MMP16: variants seen among roughly 807,000 people sequenced by gnomAD.
The protein encoded by MMP16 is matrix metalloproteinase-16.
Under a neutral mutation model 67.8 loss-of-function variants are expected in MMP16, and 12 were observed. The ratio of observed to expected loss-of-function variants is 0.18; its 90% confidence interval spans 0.11 to 0.29. MMP16 has a LOEUF of 0.29. MMP16 is among the 10% of genes least tolerant of loss of function. MMP16 has a pLI of 1.00. For synonymous variants in MMP16, 249 were observed against 255.9 expected (o/e 0.97, Z 0.26); for missense variants, 475 against 765.7 (o/e 0.62, Z 4.48).
intron 1 of MMP16, among the ~76,000 whole-genome samples, chr8:88,216,030 A>T (rs1423456051): frequency 6.6e-6 from 1 of 152,212 alleles, no homozygotes; most frequent in Non-Finnish European, 1.5e-5. Flanking sequence ...AGTCATTTTC[A>T]TAGAAGAAGA....
intron 3 of MMP16, among the ~76,000 whole-genome samples, chr8:88,178,567 T>C (rs1280431842): frequency 6.6e-6 from 1 of 152,166 alleles, no homozygotes; most frequent in Non-Finnish European, 1.5e-5. Flanking sequence ...TCACTGAAAA[T>C]TGTGTCTGTT....
At chr8:88,176,857 A>G (rs757107808) in intron 3 of MMP16, among the ~76,000 whole-genome samples, 3 of 152,122 alleles carry the variant, frequency 2.0e-5, no homozygotes, top group Admixed American at 6.5e-5. Flanking sequence ...TGTGGGTGGG[A>G]ACATTTTGAT....
At chr8:88,168,094 G>C in intron 3 of MMP16, 121 bp from the exon 4 acceptor site, 1 of 680,824 alleles carries the variant, frequency 1.5e-6, no homozygotes, top group Non-Finnish European at 2.4e-6. Context: ...GGAATAACAC[G>C]TATTCATTCC....
chr8:88,263,549 A>G (rs961487384), intron 1 of MMP16, among the ~76,000 whole-genome samples: 4 of 152,172 alleles, frequency 2.6e-5, no homozygotes, highest in African/African-American at 9.7e-5. Flanking sequence ...CATCAAGGTA[A>G]CAGCAGGGGT....
At chr8:88,145,884 T>A (rs951277532) in intron 4 of MMP16, among the ~76,000 whole-genome samples, 4 of 152,068 alleles carry the variant, frequency 2.6e-5, no homozygotes, top group South Asian at 2.1e-4. Context: ...CCAGTATCTA[T>A]GGATAGAGGC....
intron 3 of MMP16, among the ~76,000 whole-genome samples, chr8:88,182,131 C>A (rs918734344): frequency 1.3e-5 from 2 of 151,798 alleles, no homozygotes; most frequent in South Asian, 2.1e-4. Context: ...AAGCACAATA[C>A]GAGAAGGAAA....
chr8:88,086,621 G>T (rs1808838188), intron 6 of MMP16, among the ~76,000 whole-genome samples: 1 of 151,740 alleles, frequency 6.6e-6, no homozygotes, highest in Admixed American at 6.6e-5. Flanking sequence ...CACCTATCAA[G>T]AATTACCATC....
chr8:88,172,853 C>T (rs1808827472), intron 3 of MMP16, among the ~76,000 whole-genome samples: 1 of 151,884 alleles, frequency 6.6e-6, no homozygotes, highest in East Asian at 1.9e-4. Context: ...CCATGCCTTA[C>T]ACAATCTTAC....
chr8:88,069,055 T>C (rs1056498865), intron 7 of MMP16, among the ~76,000 whole-genome samples: 1 of 152,080 alleles, frequency 6.6e-6, no homozygotes, highest in African/African-American at 2.4e-5. Flanking sequence ...TCTTTGTATC[T>C]GTATATATGA....
At chr8:88,080,873 A>G (rs1440512030) in intron 6 of MMP16, among the ~76,000 whole-genome samples, 1 of 152,178 alleles carries the variant, frequency 6.6e-6, no homozygotes, top group African/African-American at 2.4e-5. Context: ...TGGCAGCTAT[A>G]TACATAATAA....
intron 1 of MMP16, among the ~76,000 whole-genome samples, chr8:88,291,601 T>C (rs550422962): frequency 1.3e-5 from 2 of 152,280 alleles, no homozygotes; most frequent in Admixed American, 1.3e-4. Flanking sequence ...ACACACATTT[T>C]CAGTAGAGGC....
At chr8:88,140,483 C>A (rs1044600925) in intron 4 of MMP16, among the ~76,000 whole-genome samples, 1 of 151,978 alleles carries the variant, frequency 6.6e-6, no homozygotes, top group Non-Finnish European at 1.5e-5. Context: ...TTCAATGGGA[C>A]AAGTGTCAAA....
At chr8:88,197,070 C>T in intron 2 of MMP16, 88 bp downstream of exon 2, 1 of 1,242,824 alleles carries the variant, frequency 8.0e-7, no homozygotes, top group Non-Finnish European at 1.1e-6. Flanking sequence ...TACTCCATTT[C>T]TGGTTGGTGG....
chr8:88,184,993 A>C (rs1378768461), intron 3 of MMP16, among the ~76,000 whole-genome samples: 1 of 152,140 alleles, frequency 6.6e-6, no homozygotes, highest in African/African-American at 2.4e-5. Context: ...AAGTAAAAAT[A>C]TCTTGTGAGC....
At chr8:88,158,700 T>C (rs961164208) in intron 4 of MMP16, among the ~76,000 whole-genome samples, 1 of 152,230 alleles carries the variant, frequency 6.6e-6, no homozygotes, top group African/African-American at 2.4e-5. Flanking sequence ...TTGGCTTTTG[T>C]TGCCATTGCT....
intron 1 of MMP16, among the ~76,000 whole-genome samples, chr8:88,256,492 T>C (rs557199869): frequency 6.8e-4 from 103 of 152,224 alleles, no homozygotes; most frequent in Middle Eastern, 6.8e-3. Context: ...CTGATCTCTT[T>C]CCCATCTCAG....
At chr8:88,130,802 G>C (rs1374423819) in intron 4 of MMP16, among the ~76,000 whole-genome samples, 2 of 150,932 alleles carry the variant, frequency 1.3e-5, no homozygotes, top group African/African-American at 4.9e-5. Context: ...TTTGTAAGTA[G>C]AGCAATGAAT....
intron 1 of MMP16, among the ~76,000 whole-genome samples, chr8:88,273,248 C>CT (rs575063640): frequency 0.14 from 17,917 of 132,200 alleles, 1,625 homozygotes; most frequent in East Asian, 0.38. Flanking sequence ...CCATGCCTGG[C>CT]TTTTTTTTTT....
intron 1 of MMP16, among the ~76,000 whole-genome samples, chr8:88,286,472 A>G (rs1338502612): frequency 6.6e-6 from 1 of 152,086 alleles, no homozygotes; most frequent in Non-Finnish European, 1.5e-5. Context: ...CAAACTCCAT[A>G]TGTTCCAAAT....
Sources: allele counts gnomAD v4.1 joint callset (sites outside exome capture counted in the v4.1 genomes callset), GRCh38; gene constraint gnomAD v4.1.1; transcripts MANE v1.5; gene names NCBI Gene and HGNC (gene_info 2026-07-23, HGNC 2026-07-21).